SLC35D4: variants seen among roughly 807,000 people sequenced by gnomAD.
SLC35D4 encodes UDP-N-acetylglucosamine transporter SLC35D4.
At chr18:23,311,221 C>T in the SLC35D4 span, among the ~76,000 whole-genome samples, 1 of 151,758 alleles carries the variant, frequency 6.6e-6, no homozygotes, top group Non-Finnish European at 1.5e-5. Flanking sequence ...TCCCGAGTAG[C>T]TGGGCCTATA....
At chr18:23,423,562 G>T in the SLC35D4 span, among the ~76,000 whole-genome samples, 1 of 152,132 alleles carries the variant, frequency 6.6e-6, no homozygotes, top group African/African-American at 2.4e-5. Flanking sequence ...ATATGTCAGT[G>T]GCTGGAATGT....
the SLC35D4 span, among the ~76,000 whole-genome samples, chr18:23,336,419 T>A: frequency 1.3e-5 from 2 of 152,174 alleles, no homozygotes; most frequent in East Asian, 1.9e-4. Flanking sequence ...TAGGTTTTAA[T>A]TTTCCATGAA....
At chr18:23,246,257 C>T in the SLC35D4 span, among the ~76,000 whole-genome samples, 1 of 142,974 alleles carries the variant, frequency 7.0e-6, no homozygotes, top group Non-Finnish European at 1.6e-5. Context: ...CAGAGTGAGA[C>T]TCCATCTCAA....
chr18:23,418,736 G>A, the SLC35D4 span, among the ~76,000 whole-genome samples: 3 of 151,794 alleles, frequency 2.0e-5, no homozygotes, highest in Non-Finnish European at 2.9e-5. Context: ...GGCCGGGTAC[G>A]GTGGCTCAAG....
chr18:23,269,431 T>A, the SLC35D4 span, among the ~76,000 whole-genome samples: 1 of 152,260 alleles, frequency 6.6e-6, no homozygotes, highest in Non-Finnish European at 1.5e-5. Flanking sequence ...TGTGAGTCAA[T>A]TAAACCTGTT....
the SLC35D4 span, chr18:23,421,581 A>G: frequency 1.4e-6 from 1 of 692,414 alleles, no homozygotes; most frequent in South Asian, 1.8e-5. Context: ...ACTCTCTCCC[A>G]ATTATCCCAT....
the SLC35D4 span, among the ~76,000 whole-genome samples, chr18:23,367,333 T>TA: frequency 2.0e-5 from 3 of 152,256 alleles, no homozygotes; most frequent in Admixed American, 2.0e-4. Flanking sequence ...GATACTTAGA[T>TA]AGCAAGTTTT....
At chr18:23,272,682 G>A in the SLC35D4 span, among the ~76,000 whole-genome samples, 9 of 152,044 alleles carry the variant, frequency 5.9e-5, no homozygotes, top group Middle Eastern at 6.8e-3. Flanking sequence ...ACAGAGAAGC[G>A]AAACCACACC....
At chr18:23,373,701 C>T in the SLC35D4 span, 5 of 1,613,642 alleles carry the variant, frequency 3.1e-6, no homozygotes, top group East Asian at 8.9e-5. Context: ...AATGAGTTCA[C>T]TTGGACTTAC....
At chr18:23,422,705 A>G in the SLC35D4 span, among the ~76,000 whole-genome samples, 1 of 152,106 alleles carries the variant, frequency 6.6e-6, no homozygotes, top group Non-Finnish European at 1.5e-5. Context: ...ACAGGCAGCA[A>G]CCCTCAGCCT....
the SLC35D4 span, among the ~76,000 whole-genome samples, chr18:23,345,630 A>G: frequency 7.9e-5 from 12 of 152,002 alleles, no homozygotes; most frequent in Admixed American, 2.0e-4. Flanking sequence ...TTCAAATCAC[A>G]TAATTTAAGT....
the SLC35D4 span, among the ~76,000 whole-genome samples, chr18:23,342,253 T>C: frequency 6.6e-5 from 10 of 152,230 alleles, no homozygotes; most frequent in African/African-American, 1.9e-4. Context: ...AAGAAACCAC[T>C]GGTATACTTT....
At chr18:23,362,173 T>C in the SLC35D4 span, among the ~76,000 whole-genome samples, 1 of 152,188 alleles carries the variant, frequency 6.6e-6, no homozygotes, top group African/African-American at 2.4e-5. Context: ...GGCCAAAATG[T>C]CTAAACTATT....
the SLC35D4 span, chr18:23,257,029 G>C: frequency 3.4e-6 from 2 of 593,946 alleles, no homozygotes; most frequent in Non-Finnish European, 5.8e-6. Flanking sequence ...AGCCCCTCGG[G>C]AAAGGAGCAG....
At chr18:23,331,883 C>CTTTTTTT in the SLC35D4 span, among the ~76,000 whole-genome samples, 4 of 102,980 alleles carry the variant, frequency 3.9e-5, no homozygotes, top group South Asian at 3.4e-4. Flanking sequence ...TTGAACATGT[C>CTTTTTTT]TTTTTTTTTT....
chr18:23,329,087 T>C, the SLC35D4 span, among the ~76,000 whole-genome samples: 1 of 152,128 alleles, frequency 6.6e-6, no homozygotes, highest in Non-Finnish European at 1.5e-5. Context: ...ATGTTAGACC[T>C]AAAACCATAA....
At chr18:23,418,656 A>G in the SLC35D4 span, among the ~76,000 whole-genome samples, 2 of 151,562 alleles carry the variant, frequency 1.3e-5, no homozygotes, top group Admixed American at 1.3e-4. Flanking sequence ...CAAAAGTATT[A>G]ATATTATGCT....
chr18:23,352,154 C>T, the SLC35D4 span: 7 of 1,546,034 alleles, frequency 4.5e-6, no homozygotes, highest in Non-Finnish European at 5.3e-6. Flanking sequence ...TTTGGATACA[C>T]AGGCTCTTGA....
At chr18:23,260,278 G>C in the SLC35D4 span, 1 of 152,132 alleles carries the variant, frequency 6.6e-6, no homozygotes, top group African/African-American at 2.4e-5. Flanking sequence ...TTGTTGTTCC[G>C]ATCACAGATT....
Sources: allele counts gnomAD v4.1 joint callset (sites outside exome capture counted in the v4.1 genomes callset), GRCh38; gene constraint gnomAD v4.1.1; transcripts MANE v1.5; gene names NCBI Gene and HGNC (gene_info 2026-07-23, HGNC 2026-07-21).